Variants in ST6GAL1 observed in about 807,000 individuals in gnomAD.
ST6GAL1 encodes the protein beta-galactoside alpha-2,6-sialyltransferase 1.
In ST6GAL1, 20 loss-of-function variants were observed where a neutral mutation model predicts 38.0. The ratio of observed to expected loss-of-function variants is 0.53; its 90% CI spans 0.37 to 0.77. The LOEUF (loss-of-function observed/expected upper bound fraction) is 0.77. ST6GAL1 is among the 30% of genes least tolerant of loss of function. The pLI, the probability that ST6GAL1 is intolerant of heterozygous loss-of-function variation, is 0.00. For missense variants in ST6GAL1, 432 were observed against 496.4 expected (o/e 0.87, Z 1.23); for synonymous variants, 196 against 188.2 (o/e 1.04, Z -0.34).
chr3:187,018,093 C>T (rs1717175825), intron 2 of ST6GAL1, among the ~76,000 whole-genome samples: 1 of 152,140 alleles, frequency 6.6e-6, no homozygotes. Flanking sequence ...TCCAACATAA[C>T]TGCTACTCTG....
intron 2 of ST6GAL1, chr3:186,964,407 T>C (rs1015499391): frequency 2.6e-5 from 4 of 152,230 alleles, no homozygotes; most frequent in African/African-American, 9.6e-5. Context: ...TGATTTTAAT[T>C]ACCTAGATAT....
intron 2 of ST6GAL1, among the ~76,000 whole-genome samples, chr3:187,014,011 G>C (rs1050907235): frequency 6.6e-6 from 1 of 152,160 alleles, no homozygotes; most frequent in South Asian, 2.1e-4. Context: ...ACCCAACAGC[G>C]GTCAAGCCGG....
chr3:187,051,534 GA>G (rs1718514110), intron 5 of ST6GAL1, 188 bp downstream of exon 5: 1 of 572,400 alleles, frequency 1.7e-6, no homozygotes, highest in South Asian at 2.0e-5. Context: ...TTTATTTAAA[GA>G]AAAACCCTTT....
intron 2 of ST6GAL1, among the ~76,000 whole-genome samples, chr3:187,001,989 CAA>C (rs1716636184): frequency 1.3e-5 from 2 of 148,152 alleles, no homozygotes; most frequent in East Asian, 3.9e-4. Context: ...ACAAAACAAA[CAA>C]ACAATGTTTT....
Position 186,987,132 on chromosome 3 carries a change from G to A in ST6GAL1, c.-183+23206G>A, listed in dbSNP as rs143776016. ...TCAGGCAGACTGCATAGGAAAGGAA[G>A]GAAAGAAAGAAGGAAGGGAGGGAGG... On this transcript the variant is annotated intron_variant, in intron 2 of 7. Coordinates refer to ENST00000169298, the MANE Select transcript of ST6GAL1 (RefSeq NM_173216.2). Among the ~76,000 whole-genome samples the A allele has an allele frequency of 8.8e-3, 1,175 of 133,222 alleles. 18 individuals are homozygous for A. Among genetic ancestry groups the A allele is most frequent in the African/African-American group, 0.031 (1,120 of 36,484 alleles). The allele number at this position is 133,222 out of a possible 152,430, so 87.4% of individuals were successfully genotyped here.
intron 2 of ST6GAL1, among the ~76,000 whole-genome samples, chr3:187,014,391 G>A (rs933458040): frequency 6.6e-6 from 1 of 152,168 alleles, no homozygotes; most frequent in East Asian, 1.9e-4. Context: ...TGGGCCCACC[G>A]TTTTGAGCTC....
At chr3:186,963,111 A>G (rs1294383812) in intron 1 of ST6GAL1, among the ~76,000 whole-genome samples, 2 of 152,236 alleles carry the variant, frequency 1.3e-5, no homozygotes, top group Non-Finnish European at 2.9e-5. Context: ...AAGGAAACAC[A>G]ATTACTTTAA....
chr3:187,062,573 G>GACACACACAC (rs1718955430), intron 5 of ST6GAL1, among the ~76,000 whole-genome samples: 1 of 50,896 alleles, frequency 2.0e-5, no homozygotes, highest in Non-Finnish European at 4.6e-5. Context: ...AAATAAGCCA[G>GACACACACAC]TCACACACAC....
chr3:186,990,242 C>T (rs1195014691), intron 2 of ST6GAL1, among the ~76,000 whole-genome samples: 3 of 152,208 alleles, frequency 2.0e-5, no homozygotes, highest in African/African-American at 7.2e-5. Context: ...CCATATTGGC[C>T]AGGCTGGTCT....
rs1190701230 is a variant in ST6GAL1 at position 186,984,759 on chromosome 3, C to CTTCCTTCT, written c.-183+20833_-183+20834insTTCCTTCT. 8.9e-5 allele frequency among the ~76,000 whole-genome samples: 3 copies of CTTCCTTCT among 33,578 alleles called. 1 individual carries two copies. The highest frequency in any genetic ancestry group is 3.1e-4 in the African/African-American group (3 of 9,758). The allele number at this position is 33,578 out of a possible 152,430, so 22.0% of individuals were successfully genotyped here. ...CCTTCCTTCCCTCCCTCCCTCCCTC[C>CTTCCTTCT]CTCCCTCCTTCCTTCCTTCCCTTCC... On this transcript the variant is annotated intron_variant, in intron 2 of 7. Transcript: ENST00000169298.
At chr3:187,000,192 C>T (rs1308378955) in intron 2 of ST6GAL1, among the ~76,000 whole-genome samples, 1 of 152,100 alleles carries the variant, frequency 6.6e-6, no homozygotes, top group East Asian at 1.9e-4. Flanking sequence ...ACAATGGTCA[C>T]TTGTAATCAT....
chr3:186,956,122 C>T (rs546323460), intron 1 of ST6GAL1, among the ~76,000 whole-genome samples: 1 of 152,220 alleles, frequency 6.6e-6, no homozygotes, highest in East Asian at 1.9e-4. Flanking sequence ...CACATCTCAA[C>T]TGCCTCATTT....
At chr3:186,989,829 A>G (rs1716094176) in intron 2 of ST6GAL1, among the ~76,000 whole-genome samples, 1 of 152,202 alleles carries the variant, frequency 6.6e-6, no homozygotes, top group African/African-American at 2.4e-5. Context: ...TCTTCTCCCA[A>G]GGGATCTCAG....
At chr3:186,965,820 T>A (rs144098597) in intron 2 of ST6GAL1, among the ~76,000 whole-genome samples, 60 of 152,318 alleles carry the variant, frequency 3.9e-4, no homozygotes, top group Admixed American at 7.8e-4. Flanking sequence ...CCAGTGTACT[T>A]CCTGAGGTGC....
At chr3:186,934,935 T>G (rs941308110) in intron 1 of ST6GAL1, among the ~76,000 whole-genome samples, 1 of 151,866 alleles carries the variant, frequency 6.6e-6, no homozygotes, top group Non-Finnish European at 1.5e-5. Flanking sequence ...CCCGGCTAAT[T>G]TTTGTATGTT....
intron 2 of ST6GAL1, among the ~76,000 whole-genome samples, chr3:187,020,020 C>A (rs1057473724): frequency 6.6e-6 from 1 of 152,152 alleles, no homozygotes; most frequent in Non-Finnish European, 1.5e-5. Flanking sequence ...TCTGGTCAGC[C>A]GGGCATGGTG....
intron 5 of ST6GAL1, among the ~76,000 whole-genome samples, chr3:187,054,638 G>C (rs1363447772): frequency 2.6e-5 from 4 of 152,170 alleles, no homozygotes; most frequent in Admixed American, 2.6e-4. Context: ...TTGCATTCCA[G>C]GGATGAAGCT....
chr3:187,048,299 G>C (rs867139245), intron 4 of ST6GAL1, among the ~76,000 whole-genome samples: 1 of 152,036 alleles, frequency 6.6e-6, no homozygotes, highest in Non-Finnish European at 1.5e-5. Context: ...CCCCATGTCC[G>C]TGTATGATCT....
rs1378092333 is a variant in ST6GAL1 at position 187,075,902 on chromosome 3, C to T, written c.*99C>T. 7 of 1,531,394 alleles carry T rather than the reference C, an allele frequency of 4.6e-6. No homozygotes were observed. The East Asian group carries it at 6.8e-5, about 15-fold the overall frequency. 94.9% of individuals were successfully genotyped at this position (1,531,394 alleles called of 1,614,324 possible). A position where few individuals can be genotyped will look rare whatever the true frequency, so the allele number is the denominator to read the frequency against. ...TTTTCCTGAACAATTCCAGCCTGCT[C>T]CTTTTACTCTAGGGGCCTCTGTCAG... On this transcript the variant is annotated 3_prime_UTR_variant, in exon 8 of 8. Coordinates refer to ENST00000169298, the MANE Select transcript of ST6GAL1 (RefSeq NM_173216.2). The surrounding 1 kb of genome is among the most constrained non-coding windows in gnomAD (Gnocchi z 4.1).
Sources: allele counts gnomAD v4.1 joint callset (sites outside exome capture counted in the v4.1 genomes callset), GRCh38; gene constraint gnomAD v4.1.1; non-coding constraint Gnocchi (gnomAD v3.1); transcripts MANE v1.5; gene names NCBI Gene and HGNC (gene_info 2026-07-23, HGNC 2026-07-21).